The following RADX variants were observed in gnomAD, a reference collection of about 807,000 sequenced individuals.
RADX encodes RPA1 related single stranded DNA binding protein, X-linked.
A neutral mutation model predicts 61.6 loss-of-function variants in RADX; 36 were observed. The ratio of observed to expected loss-of-function variants is 0.58; its 90% confidence interval spans 0.45 to 0.77. RADX has a LOEUF of 0.77. Ranked by LOEUF, RADX falls within the 30% of genes least tolerant of loss-of-function variation. RADX has a pLI of 0.00. For missense variants in RADX, 497 were observed against 651.1 expected, an observed-to-expected ratio of 0.76 and a Z score of 2.58; for synonymous variants, 272 against 237.9, an observed-to-expected ratio of 1.14 and a Z score of -1.32.
rs759470874 is a variant in RADX at position 106,633,250 on chromosome X, C to T, written c.1301C>T (p.Pro434Leu). The change falls in exon 6 of 14, where the codon CCA (proline) becomes CTA (leucine). Residue 434 changes from proline (P) to leucine (L), a missense_variant and splice_region_variant. Around this residue, in one of 3 missense-constraint regions of RADX, gnomAD observed 196 missense variants for 315.0 expected, o/e 0.62. Transcript: ENST00000372548. ...CCAGAAATCTTTGAAAATATTTACC[C>T]AAGTAAGCGATTTTTAATATTTTTA... ...SQPEIFENIYPMAYFVCTQLK... is the reference protein window; with the variant it reads ...SQPEIFENIYLMAYFVCTQLK... 1 of 1,193,048 alleles carries T rather than the reference C, an allele frequency of 8.4e-7. No individual in the cohort carries two copies. The highest frequency in any genetic ancestry group is 1.8e-5 in the South Asian group (1 of 54,562).
intron 3 of RADX, among the ~76,000 whole-genome samples, chrX:106,626,382 A>T (rs1049264920): frequency 8.9e-6 from 1 of 112,047 alleles, no homozygotes; most frequent in Non-Finnish European, 1.9e-5. Context: ...CGTTTTGCAG[A>T]CATTGGTCAG....
At chrX:106,615,887 G>T (rs1435675042) in intron 1 of RADX, among the ~76,000 whole-genome samples, 1 of 111,633 alleles carries the variant, frequency 9.0e-6, no homozygotes. Flanking sequence ...AGTGAATTTG[G>T]TCTACAGATT....
chrX:106,636,499 A>G (rs1927362375), intron 6 of RADX, 44 bp from the exon 7 acceptor site: 1 of 789,233 alleles, frequency 1.3e-6, no homozygotes, highest in African/African-American at 2.1e-5. Context: ...GTTATGTCCT[A>G]TTTGAAATGG....
Position 106,650,306 on chromosome X carries a change from G to A in RADX, c.1978+1920G>A, listed in dbSNP as rs757071339. ...ACTAAGGAGTTAGCACTAATATCTG[G>A]TCCAAAATCAGTGAAATCAAGACCC... On this transcript the variant is annotated intron_variant, in intron 11 of 13. Transcript: ENST00000372548. Among the ~76,000 whole-genome samples, 5 of 110,977 alleles carry A rather than the reference G, an allele frequency of 4.5e-5. No homozygotes were observed. In the East Asian group the frequency reaches 1.4e-3, roughly 32 times the overall value.
At position 106,617,020 on chromosome X, in the gene RADX, G is replaced by GTTT. The variant is rs60413185; in HGVS notation, c.643+4319_643+4321dup. Among the ~76,000 whole-genome samples, 464 of 54,540 alleles carry GTTT rather than the reference G, an allele frequency of 8.5e-3. 21 individuals carry two copies. The highest frequency in any genetic ancestry group is 0.026 in the African/African-American group (299 of 11,444). The allele number at this position is 54,540 out of a possible 115,157, so 47.4% of individuals were successfully genotyped here. On this transcript the variant is annotated intron_variant, in intron 1 of 13. Transcript: ENST00000372548. ...TTCTTTGTTTTTTTTGTGTGTGTGG[G>GTTT]TTTTTTTTTTTTTTTTTTTTTTTTG...
At chrX:106,663,501 A>C in intron 12 of RADX, among the ~76,000 whole-genome samples, 1 of 111,868 alleles carries the variant, frequency 8.9e-6, no homozygotes, top group East Asian at 2.8e-4. Context: ...AAAAAATAAT[A>C]ATCATGGATA....
chrX:106,637,932 T>G lies in RADX; in HGVS notation c.1573+8T>G. The G allele has an allele frequency of 8.5e-7, 1 of 1,174,890 alleles. No homozygotes were observed. The highest frequency in any genetic ancestry group is 1.2e-6 in the Non-Finnish European group (1 of 862,187). ...ATAGTAGTTCTATTAAAGGTACTAA[T>G]GTAATTGCCAGTCCTTCTAAATATG... is the stretch of plus-strand genomic sequence containing the variant. On this transcript the variant is annotated splice_region_variant and intron_variant, in intron 8 of 13. Coordinates refer to ENST00000372548, the MANE Select transcript of RADX (RefSeq NM_018015.6).
intron 1 of RADX, among the ~76,000 whole-genome samples, chrX:106,621,601 G>C (rs1400639487): frequency 8.9e-6 from 1 of 112,023 alleles, no homozygotes; most frequent in African/African-American, 3.2e-5. Flanking sequence ...TTGCCAGCAA[G>C]CTTGCAGATA....
intron 13 of RADX, among the ~76,000 whole-genome samples, chrX:106,673,679 T>TC (rs1331044844): frequency 0.06 from 5,084 of 85,133 alleles, 424 homozygotes; most frequent in African/African-American, 0.25. Flanking sequence ...CTCCCCCCCA[T>TC]CCCCCCCCAC....
chrX:106,629,951 A>C (rs1020276943), intron 3 of RADX, among the ~76,000 whole-genome samples: 1 of 112,267 alleles, frequency 8.9e-6, no homozygotes, highest in Non-Finnish European at 1.9e-5. Context: ...TAATAGATAC[A>C]CAAAAAGCTT....
intron 3 of RADX, among the ~76,000 whole-genome samples, chrX:106,626,166 A>G (rs1295939196): frequency 9.0e-6 from 1 of 111,487 alleles, no homozygotes; most frequent in Non-Finnish European, 1.9e-5. Flanking sequence ...AGAATTGTAG[A>G]TTACATTGCT....
chrX:106,648,518 A>G (rs762411552), intron 11 of RADX, 132 bp downstream of exon 11: 3 of 447,041 alleles, frequency 6.7e-6, no homozygotes, highest in African/African-American at 4.9e-5. Flanking sequence ...ATATTAGCTT[A>G]GGTCACTGTC....
chrX:106,629,222 C>T (rs1927150878), intron 3 of RADX, among the ~76,000 whole-genome samples: 1 of 111,051 alleles, frequency 9.0e-6, no homozygotes, highest in African/African-American at 3.3e-5. Context: ...AATTCGGAAC[C>T]CTAGCATTTT....
intron 6 of RADX, 33 bp from the exon 7 acceptor site, chrX:106,636,510 A>T (rs369380913): frequency 1.1e-6 from 1 of 887,914 alleles, no homozygotes; most frequent in African/African-American, 2.0e-5. Flanking sequence ...TTTGAAATGG[A>T]AAAGTAATTT....
intron 11 of RADX, among the ~76,000 whole-genome samples, chrX:106,658,846 A>G (rs1928014332): frequency 8.9e-6 from 1 of 111,896 alleles, no homozygotes; most frequent in South Asian, 3.7e-4. Context: ...ACAAGGCATT[A>G]CAGGTAGCCT....
intron 13 of RADX, among the ~76,000 whole-genome samples, chrX:106,669,718 A>G (rs938704196): frequency 2.7e-5 from 3 of 111,738 alleles, no homozygotes; most frequent in South Asian, 3.7e-4. Flanking sequence ...ATAATACAGT[A>G]AAATTATTCT....
At chrX:106,650,288 A>C (rs1483048467) in intron 11 of RADX, among the ~76,000 whole-genome samples, 1 of 110,920 alleles carries the variant, frequency 9.0e-6, no homozygotes, top group African/African-American at 3.3e-5. Flanking sequence ...TGAACTAAGG[A>C]GTTAGCACTA....
chrX:106,635,855 G>A lies in RADX; in HGVS notation c.1304-688G>A, dbSNP rs184564582. ...GATAGCCTGTTAGGTAAAAACAATT[G>A]ATAGTTGTTGAAAGTAGTTGAAATC... On this transcript the variant is annotated intron_variant, in intron 6 of 13. Transcript: ENST00000372548. Among the ~76,000 whole-genome samples, 14 of 112,173 alleles carry A rather than the reference G, an allele frequency of 1.2e-4. No individual in the cohort carries two copies. In the East Asian group the frequency reaches 3.6e-3, roughly 29 times the overall value.
At chrX:106,668,761 A>G (rs1418973369) in intron 12 of RADX, among the ~76,000 whole-genome samples, 1 of 111,632 alleles carries the variant, frequency 9.0e-6, no homozygotes, top group East Asian at 2.8e-4. Context: ...TTAGTCAGAT[A>G]TCTTTGAGTC....
Sources: allele counts gnomAD v4.1 joint callset (sites outside exome capture counted in the v4.1 genomes callset), GRCh38; gene constraint gnomAD v4.1.1; regional missense constraint gnomAD v4.1.1; transcripts MANE v1.5; gene names NCBI Gene and HGNC (gene_info 2026-07-23, HGNC 2026-07-21).